The following KRT15 variants were observed in gnomAD, a reference collection of about 807,000 sequenced individuals.
The protein encoded by KRT15 is keratin, type I cytoskeletal 15.
Under a neutral mutation model 46.6 loss-of-function variants are expected in KRT15, and 45 were observed. The observed-to-expected ratio is 0.97, with a 90% confidence interval of 0.76 to 1.24. KRT15 has a LOEUF of 1.24. Ranked by LOEUF, KRT15 falls within the 50% of genes most tolerant of loss-of-function variation. The pLI, the probability that KRT15 is intolerant of heterozygous loss-of-function variation, is 0.00. For missense variants in KRT15, 592 were observed against 588.9 expected (o/e 1.01, Z -0.05); for synonymous variants, 221 against 233.8 (o/e 0.95, Z 0.50).
intron 7 of KRT15, 43 bp from the exon 8 acceptor site, chr17:41,514,163 C>A (rs1044433169): frequency 6.7e-7 from 1 of 1,494,120 alleles, no homozygotes; most frequent in Admixed American, 1.7e-5. Flanking sequence ...GGAACCTCCC[C>A]GCTCTGCCAC....
chr17:41,514,535 G>A, intron 7 of KRT15, 114 bp downstream of exon 7: 2 of 969,678 alleles, frequency 2.1e-6, no homozygotes, highest in Non-Finnish European at 3.2e-6. Flanking sequence ...GAATGGGAAT[G>A]TTCCCACCTA....
Position 41,514,042 on chromosome 17 carries a change from G to A in KRT15, c.1352C>T (p.Ser451Phe). The change falls in exon 8 of 8, where the codon TCC becomes TTC. Residue 451 changes from serine to phenylalanine, a missense_variant. Ser to Phe is a radical substitution (Grantham distance 155, BLOSUM62 -2). Coordinates refer to ENST00000254043, the MANE Select transcript of KRT15 (RefSeq NM_002275.4). ...AGACACTTAGATTTCTCTCTTGTGG[G>A]AAGAAACCACCTGTCCATCCACTGA... is the stretch of plus-strand genomic sequence containing the variant. ...EESVDGQVVSSHKREI is the reference protein window; with the variant it reads ...EESVDGQVVSFHKREI 6.2e-7 allele frequency: 1 copy of A among 1,613,550 alleles called. No individual in the cohort carries two copies. Among genetic ancestry groups the A allele is most frequent in the South Asian group, 1.1e-5 (1 of 91,074 alleles).
chr17:41,518,198 C>T, intron 1 of KRT15, 132 bp downstream of exon 1: 1 of 1,074,224 alleles, frequency 9.3e-7, no homozygotes, highest in South Asian at 1.7e-5. Flanking sequence ...TCCAAATTTG[C>T]TGAGATTACA....
Position 41,517,159 on chromosome 17 carries a change from C to T in KRT15, c.505G>A (p.Ala169Thr), listed in dbSNP as rs1220652675. Residue 169 changes from alanine to threonine, a missense_variant, in exon 2 of 8, where the codon GCC becomes ACC. Physicochemically the swap from Ala to Thr is moderately conservative, Grantham distance 58. Transcript: ENST00000254043. ...TIEELRDKIM[A>T]TTIDNSRVIL... ...ACCCGGGAGTTGTCGATGGTGGTGG[C>T]CATGATCTGCAGGAGACAGAGTCGG... 1.9e-6 allele frequency: 3 copies of T among 1,613,954 alleles called. No homozygotes were observed. The highest frequency in any genetic ancestry group is 2.5e-6 in the Non-Finnish European group (3 of 1,179,910).
In KRT15 at chr17:41,518,361, T is replaced by C; in HGVS notation, c.467A>G (p.Tyr156Cys). ...PTSPECDYSQ[Y>C]FKTIEELRDK... The stretch of plus-strand genomic sequence containing the variant: ...CCGGAGCTCTTCAATGGTCTTGAAG[T>C]ATTGGCTGTAGTCGCATTCTGGGCT... The change falls in exon 1 of 8, where the codon TAC (tyrosine) becomes TGC (cysteine). Residue 156 changes from tyrosine to cysteine, a missense_variant. Coordinates refer to ENST00000254043, the MANE Select transcript of KRT15 (RefSeq NM_002275.4). 2 of 1,613,888 alleles carry C rather than the reference T, an allele frequency of 1.2e-6. No homozygotes were observed. The highest frequency in any genetic ancestry group is 2.2e-5 in the East Asian group (1 of 44,878).
In KRT15 at chr17:41,516,957, T is replaced by A. The variant is rs775800199; in HGVS notation, c.589A>T (p.Asn197Tyr). 1.2e-6 allele frequency: 2 copies of A among 1,614,082 alleles called. No individual in the cohort carries two copies. Among genetic ancestry groups the A allele is most frequent in the Non-Finnish European group, 1.7e-6 (2 of 1,180,042 alleles). ...AADDFRLKYENELALRQGVEA... is the reference protein window; with the variant it reads ...AADDFRLKYEYELALRQGVEA... ...ACGCCCTGGCGCAGGGCCAGCTCAT[T>A]CTCATACCTGAGGAGAGGGAGGCCA... The change falls in exon 3 of 8, where the codon AAT becomes TAT. Residue 197 changes from asparagine to tyrosine, a missense_variant. By Grantham distance (143) the Asn-to-Tyr change is moderately radical. Transcript: ENST00000254043.
At position 41,517,071 on chromosome 17, in the gene KRT15, G is replaced by T. The variant is rs377355451; in HGVS notation, c.581+12C>A. 5.6e-6 allele frequency: 9 copies of T among 1,614,158 alleles called. No homozygotes were observed. Among genetic ancestry groups the T allele is most frequent in the Non-Finnish European group, 5.9e-6 (7 of 1,179,978 alleles). ...GGCAATGCAGGAAGAGGAGAGAGAC[G>T]GGGGAGCGCACTTGAGCCTGAAGTC... On this transcript the variant is annotated intron_variant, in intron 2 of 7. Transcript: ENST00000254043.
Position 41,513,992 on chromosome 17 carries a change from T to C in KRT15, c.*31A>G. The stretch of plus-strand genomic sequence containing the variant: ...CACTTGGCCTGATGAGAGTGGGGAG[T>C]GGCAAGGGACGTTTCTCCTGCAATA... On this transcript the variant is annotated 3_prime_UTR_variant, in exon 8 of 8. Coordinates refer to ENST00000254043, the MANE Select transcript of KRT15 (RefSeq NM_002275.4). 6.6e-7 allele frequency: 1 copy of C among 1,516,842 alleles called. No homozygotes were observed. The allele number at this position is 1,516,842 out of a possible 1,614,324, so 94.0% of individuals were successfully genotyped here. A position where few individuals can be genotyped will look rare whatever the true frequency, so the allele number is the denominator to read the frequency against.
In KRT15 at chr17:41,517,071, G is replaced by C. The variant is rs377355451; in HGVS notation, c.581+12C>G. The C allele has an allele frequency of 2.5e-6, 4 of 1,614,040 alleles. No individual in the cohort carries two copies. Among genetic ancestry groups the C allele is most frequent in the South Asian group, 2.2e-5 (2 of 91,092 alleles). On this transcript the variant is annotated intron_variant, in intron 2 of 7. Transcript: ENST00000254043. Reference sequence around the variant, plus strand: ...GGCAATGCAGGAAGAGGAGAGAGACGGGGGAGCGCACTTGAGCCTGAAGTC... The same window carrying C: ...GGCAATGCAGGAAGAGGAGAGAGACCGGGGAGCGCACTTGAGCCTGAAGTC...
chr17:41,515,816 CT>C (rs1905331751), intron 5 of KRT15, 68 bp downstream of exon 5: 2 of 1,611,392 alleles, frequency 1.2e-6, no homozygotes, highest in Admixed American at 3.3e-5. Flanking sequence ...AACTCCAAGG[CT>C]TAAATAGCCA....
intron 7 of KRT15, 117 bp from the exon 8 acceptor site, chr17:41,514,237 C>A: frequency 1.3e-6 from 1 of 769,428 alleles, no homozygotes; most frequent in East Asian, 2.5e-5. Context: ...TGGCCACTGG[C>A]CAATCCCTCA....
At chr17:41,514,753 T>A (rs1427348701) in intron 6 of KRT15, 79 bp from the exon 7 acceptor site, 8 of 1,479,412 alleles carry the variant, frequency 5.4e-6, no homozygotes, top group Non-Finnish European at 6.6e-6. Flanking sequence ...TAGATAGCTA[T>A]GCAGTGTTCT....
At chr17:41,515,281 G>A in intron 6 of KRT15, 191 bp downstream of exon 6, 1 of 595,876 alleles carries the variant, frequency 1.7e-6, no homozygotes. Context: ...CGGATCCAGA[G>A]AGAGGAAGTG....
chr17:41,518,528 G>T lies in KRT15; in HGVS notation c.300C>A (p.Leu100=). ...TGGTAATTTTCTCATTGCCAGAGAGGAGACCACCATCGCCACCACCAAAGC... is the reference window on the plus strand; with the variant it reads ...TGGTAATTTTCTCATTGCCAGAGAGTAGACCACCATCGCCACCACCAAAGC... ...GGGFGGGDGG[L]LSGNEKITMQ... Residue 100 remains leucine (L), a synonymous_variant, in exon 1 of 8, where the codon CTC becomes CTA. Transcript: ENST00000254043. The T allele has an allele frequency of 6.2e-7, 1 of 1,613,904 alleles. No individual in the cohort carries two copies. Among genetic ancestry groups the T allele is most frequent in the African/African-American group, 1.3e-5 (1 of 74,914 alleles).
At chr17:41,514,369 A>G in intron 7 of KRT15, 2 of 598,510 alleles carry the variant, frequency 3.3e-6, no homozygotes, top group Non-Finnish European at 5.9e-6. Flanking sequence ...AGGGGGATGA[A>G]TTGTGGGCAT....
At chr17:41,514,908 C>T (rs980333884) in intron 6 of KRT15, 1 of 469,378 alleles carries the variant, frequency 2.1e-6, no homozygotes, top group Non-Finnish European at 3.8e-6. Context: ...ACTCTGTCGC[C>T]CAGGCTGGAG....
Position 41,518,414 on chromosome 17 carries a change from A to G in KRT15, c.414T>C (p.His138=), listed in dbSNP as rs1341731068. The G allele has an allele frequency of 6.2e-7, 1 of 1,614,016 alleles. No homozygotes were observed. The highest frequency in any genetic ancestry group is 8.5e-7 in the Non-Finnish European group (1 of 1,179,986). The stretch of plus-strand genomic sequence containing the variant: ...TTGGGGTCTGCTTCTGGTACCAGTC[A>G]TGGATCTTCACCTCCAGGTCAGCAT... ...EANADLEVKI[H]DWYQKQTPTS... Residue 138 remains histidine, a synonymous_variant, in exon 1 of 8, where the codon CAT becomes CAC. Transcript: ENST00000254043.
chr17:41,514,209 A>G (rs1905256443), intron 7 of KRT15, 89 bp from the exon 8 acceptor site: 2 of 971,676 alleles, frequency 2.1e-6, no homozygotes, highest in Non-Finnish European at 3.3e-6. Flanking sequence ...TGGGAAAACT[A>G]GACAGCACCC....
intron 6 of KRT15, 132 bp downstream of exon 6, chr17:41,515,340 C>A: frequency 1.4e-6 from 1 of 722,740 alleles, no homozygotes; most frequent in South Asian, 1.7e-5. Context: ...TCCAGATCCT[C>A]CCTCCTTGCT....
Sources: gnomAD v4.1 joint callset for allele counts on GRCh38, gnomAD v4.1.1 for gene constraint, MANE v1.5 for transcripts, NCBI Gene and HGNC (gene_info 2026-07-23, HGNC 2026-07-21) for gene names.